RASGEF1C: variants seen among roughly 807,000 people sequenced by gnomAD.
The protein encoded by RASGEF1C is RasGEF domain family member 1C.
In RASGEF1C, 27 loss-of-function variants were observed where a neutral mutation model predicts 58.1. The ratio of observed to expected loss-of-function variants is 0.46; its 90% CI spans 0.34 to 0.64. The LOEUF is 0.64. RASGEF1C is among the 30% of genes least tolerant of loss of function. RASGEF1C has a pLI of 0.01. For missense variants in RASGEF1C, 502 were observed against 605.1 expected (o/e 0.83, Z 1.79); for synonymous variants, 243 against 246.3 (o/e 0.99, Z 0.13).
chr5:180,150,803 A>G (rs1766733618), intron 1 of RASGEF1C, among the ~76,000 whole-genome samples: 1 of 152,170 alleles, frequency 6.6e-6, no homozygotes, highest in Non-Finnish European at 1.5e-5. Flanking sequence ...ACATGATTGT[A>G]TATCTAGAAA....
chr5:180,180,756 C>A (rs1447796470), intron 1 of RASGEF1C, among the ~76,000 whole-genome samples: 1 of 152,220 alleles, frequency 6.6e-6, no homozygotes, highest in Non-Finnish European at 1.5e-5. Context: ...AACCTACATC[C>A]TGGAAAGCAC....
chr5:180,124,223 C>CT (rs1491332646), intron 6 of RASGEF1C, among the ~76,000 whole-genome samples: 2 of 106,826 alleles, frequency 1.9e-5, no homozygotes, highest in African/African-American at 7.4e-5. Flanking sequence ...CAGAGCGAGA[C>CT]TCTGTCTCAA....
At chr5:180,180,745 T>A (rs145197061) in intron 1 of RASGEF1C, among the ~76,000 whole-genome samples, 6 of 152,314 alleles carry the variant, frequency 3.9e-5, no homozygotes, top group Admixed American at 1.3e-4. Context: ...TACTGGAGTA[T>A]AACCTACATC....
At chr5:180,207,218 GA>G (rs1756504191) in intron 1 of RASGEF1C, among the ~76,000 whole-genome samples, 1 of 152,224 alleles carries the variant, frequency 6.6e-6, no homozygotes, top group African/African-American at 2.4e-5. Flanking sequence ...CAGTCATTCT[GA>G]AACTCTTTCG....
intron 10 of RASGEF1C, 115 bp from the exon 11 acceptor site, chr5:180,114,656 G>T: frequency 1.1e-6 from 1 of 915,600 alleles, no homozygotes; most frequent in Non-Finnish European, 1.6e-6. Flanking sequence ...CCCGACCCCA[G>T]GGTGCAGAGG....
intron 1 of RASGEF1C, among the ~76,000 whole-genome samples, chr5:180,163,252 TC>T (rs142805379): frequency 0.028 from 2,279 of 80,874 alleles, 318 homozygotes; most frequent in Admixed American, 0.092. Context: ...TTTTTTTTTT[TC>T]CAGCCTATTG....
chr5:180,167,248 C>G (rs1273038089), intron 1 of RASGEF1C, among the ~76,000 whole-genome samples: 1 of 152,154 alleles, frequency 6.6e-6, no homozygotes, highest in African/African-American at 2.4e-5. Context: ...GCCTGAGGCT[C>G]TTAATTTTTC....
chr5:180,146,827 A>G (rs1378860787), intron 1 of RASGEF1C, among the ~76,000 whole-genome samples: 1 of 152,192 alleles, frequency 6.6e-6, no homozygotes, highest in East Asian at 1.9e-4. Context: ...ACCTCATAAA[A>G]TGAGTTAGGA....
At chr5:180,115,285 CTT>C (rs745892277) in intron 10 of RASGEF1C, 88 of 392,912 alleles carry the variant, frequency 2.2e-4, no homozygotes, top group Middle Eastern at 3.6e-4. Context: ...AGGTGGCCTC[CTT>C]TTTAAAAAAA....
At chr5:180,173,281 G>A (rs1268201158) in intron 1 of RASGEF1C, among the ~76,000 whole-genome samples, 2 of 151,900 alleles carry the variant, frequency 1.3e-5, no homozygotes, top group Non-Finnish European at 2.9e-5. Flanking sequence ...AGAACCAAGG[G>A]CTGCCCCTCG....
intron 1 of RASGEF1C, among the ~76,000 whole-genome samples, chr5:180,202,460 A>C (rs1756411021): frequency 6.6e-6 from 1 of 152,204 alleles, no homozygotes; most frequent in African/African-American, 2.4e-5. Flanking sequence ...TTAAACTTTA[A>C]AAATAAAGAA....
At chr5:180,182,320 C>G (rs530143947) in intron 1 of RASGEF1C, among the ~76,000 whole-genome samples, 8 of 150,232 alleles carry the variant, frequency 5.3e-5, no homozygotes, top group Admixed American at 4.0e-4. Flanking sequence ...GGTTTGTGGT[C>G]TCGCTGACTT....
At chr5:180,124,026 A>C (rs1271712373) in intron 6 of RASGEF1C, among the ~76,000 whole-genome samples, 1 of 152,156 alleles carries the variant, frequency 6.6e-6, no homozygotes, top group Non-Finnish European at 1.5e-5. Flanking sequence ...ATAGTCCTAA[A>C]ACCATTAAAT....
intron 1 of RASGEF1C, among the ~76,000 whole-genome samples, chr5:180,164,443 T>C (rs561656646): frequency 1.3e-5 from 2 of 152,316 alleles, no homozygotes; most frequent in African/African-American, 4.8e-5. Flanking sequence ...TTGATATAAA[T>C]TACTCATTTA....
At chr5:180,118,258 AG>A (rs542915350) in intron 10 of RASGEF1C, among the ~76,000 whole-genome samples, 58 of 152,270 alleles carry the variant, frequency 3.8e-4, no homozygotes, top group African/African-American at 1.3e-3. Flanking sequence ...GTGGCAGGGC[AG>A]GTCTGGGGCC....
intron 1 of RASGEF1C, among the ~76,000 whole-genome samples, chr5:180,142,796 T>A (rs1766601913): frequency 6.6e-6 from 1 of 151,862 alleles, no homozygotes; most frequent in Non-Finnish European, 1.5e-5. Context: ...CACCCCATCG[T>A]TTTAGAGTCA....
At chr5:180,108,002 T>C (rs1765897488) in intron 12 of RASGEF1C, among the ~76,000 whole-genome samples, 1 of 152,174 alleles carries the variant, frequency 6.6e-6, no homozygotes, top group Non-Finnish European at 1.5e-5. Context: ...GTTTTTCCTT[T>C]TGGGGATCAT....
intron 6 of RASGEF1C, among the ~76,000 whole-genome samples, chr5:180,121,676 CA>C (rs1766178827): frequency 0.033 from 1,188 of 35,620 alleles, 26 homozygotes; most frequent in African/African-American, 0.075. Context: ...CACACACACA[CA>C]CACACCCTCA....
chr5:180,204,769 A>G (rs1304259022), intron 1 of RASGEF1C, among the ~76,000 whole-genome samples: 1 of 152,168 alleles, frequency 6.6e-6, no homozygotes, highest in East Asian at 1.9e-4. Flanking sequence ...ACCACATCCA[A>G]TATTTAATAC....
Sources: allele counts gnomAD v4.1 joint callset (sites outside exome capture counted in the v4.1 genomes callset), GRCh38; gene constraint gnomAD v4.1.1; transcripts MANE v1.5; gene names NCBI Gene and HGNC (gene_info 2026-07-23, HGNC 2026-07-21).